JMJD1C: variants seen among roughly 807,000 people sequenced by gnomAD.
The protein encoded by JMJD1C is jumonji domain containing 1C.
A neutral mutation model predicts 245.3 loss-of-function variants in JMJD1C; 31 were observed. That is an observed-to-expected ratio of 0.13 (90% CI 0.09 to 0.17). The LOEUF is 0.17. JMJD1C is among the 10% of genes least tolerant of loss of function. The probability of loss-of-function intolerance (pLI) is 1.00; values close to 1 mark genes in which losing one functional copy is unlikely to be tolerated. For synonymous variants in JMJD1C, 1,057 were observed against 1,017.4 expected (o/e 1.04, Z -0.74); for missense variants, 2,691 against 3,000.2 (o/e 0.90, Z 2.41).
intron 2 of JMJD1C, among the ~76,000 whole-genome samples, chr10:63,307,504 G>A (rs1466660040): frequency 6.6e-6 from 1 of 152,046 alleles, no homozygotes; most frequent in Non-Finnish European, 1.5e-5. Flanking sequence ...GGGCAAAGTG[G>A]GTAGAAACAG....
At chr10:63,387,663 T>C (rs1328651394) in intron 1 of JMJD1C, among the ~76,000 whole-genome samples, 27 of 91,086 alleles carry the variant, frequency 3.0e-4, no homozygotes, top group African/African-American at 9.3e-4. Flanking sequence ...TGAGACGGAG[T>C]CTCGCTCTGT....
At chr10:63,246,535 A>C (rs1223669150) in intron 3 of JMJD1C, among the ~76,000 whole-genome samples, 1 of 152,134 alleles carries the variant, frequency 6.6e-6, no homozygotes, top group Non-Finnish European at 1.5e-5. Context: ...TTTTCCTAAG[A>C]AACAAAACCT....
intron 2 of JMJD1C, among the ~76,000 whole-genome samples, chr10:63,289,962 A>G (rs1858445919): frequency 6.6e-6 from 1 of 152,138 alleles, no homozygotes; most frequent in Non-Finnish European, 1.5e-5. Flanking sequence ...CAGAAGTTAA[A>G]AAAATTTAAA....
intron 1 of JMJD1C, among the ~76,000 whole-genome samples, chr10:63,472,746 T>C (rs910797393): frequency 2.0e-5 from 3 of 152,228 alleles, no homozygotes; most frequent in African/African-American, 7.2e-5. Flanking sequence ...GTAGGTATTC[T>C]TTGGTATTTT....
chr10:63,482,643 A>C (rs1334761713), intron 1 of JMJD1C, among the ~76,000 whole-genome samples: 1 of 151,338 alleles, frequency 6.6e-6, no homozygotes, highest in Non-Finnish European at 1.5e-5. Flanking sequence ...CTCAAAAAAA[A>C]GAAAAAAAAG....
Position 63,214,150 on chromosome 10 carries a change from A to G in JMJD1C, c.2017T>C (p.Leu673=), listed in dbSNP as rs2133218632. Residue 673 remains leucine (L), a synonymous_variant, in exon 8 of 26, where the codon TTG becomes CTG. Coordinates refer to ENST00000399262, the MANE Select transcript of JMJD1C (RefSeq NM_032776.3). ...AGCTCATGTTCTATCTTATTTGCCA[A>G]TCTTCTTTCACCAGTAGCTTGGCTG... ...VNSQATGERR[L]ANKIEHELSR... is the part of the protein sequence containing the mutation. 1 of 1,614,178 alleles carries G rather than the reference A, an allele frequency of 6.2e-7. No individual in the cohort carries two copies. Among genetic ancestry groups the G allele is most frequent in the Non-Finnish European group, 8.5e-7 (1 of 1,180,032 alleles).
chr10:63,391,598 C>G (rs1359300136), intron 1 of JMJD1C, among the ~76,000 whole-genome samples: 1 of 151,882 alleles, frequency 6.6e-6, no homozygotes, highest in Non-Finnish European at 1.5e-5. Context: ...TAAATGTACC[C>G]CAAAAGGGAA....
At chr10:63,469,725 G>A (rs1160284312), upstream of JMJD1C, among the ~76,000 whole-genome samples, 1 of 151,242 alleles carries the variant, frequency 6.6e-6, no homozygotes, top group African/African-American at 2.5e-5. Flanking sequence ...ATAACTTGAA[G>A]GCTTTTATTA....
At chr10:63,415,101 C>T (rs1472685272) in intron 1 of JMJD1C, among the ~76,000 whole-genome samples, 1 of 152,102 alleles carries the variant, frequency 6.6e-6, no homozygotes, top group Non-Finnish European at 1.5e-5. Flanking sequence ...CTGGAAGTGA[C>T]TAAATGTTAA....
intron 1 of JMJD1C, among the ~76,000 whole-genome samples, chr10:63,502,506 C>T (rs1025232875): frequency 1.3e-5 from 2 of 151,944 alleles, no homozygotes; most frequent in Non-Finnish European, 2.9e-5. Flanking sequence ...GGCATGGTGG[C>T]GGGCATCTAC....
At chr10:63,396,979 G>A (rs1948541896) in intron 1 of JMJD1C, among the ~76,000 whole-genome samples, 1 of 149,582 alleles carries the variant, frequency 6.7e-6, no homozygotes, top group South Asian at 2.1e-4. Context: ...GTCTAAGCTG[G>A]AGTTAAGTGT....
chr10:63,337,483 GAAGGAGAAAGAAGAGAAAAGAGAA>G (rs1942873307), intron 2 of JMJD1C, among the ~76,000 whole-genome samples: 1 of 67,442 alleles, frequency 1.5e-5, no homozygotes, highest in African/African-American at 8.0e-5. Context: ...GAGAGAGAGG[GAAGGAGAAAGAAGAGAAAAGAGAA>G]GGGAGGAGAA....
intron 10 of JMJD1C, chr10:63,202,839 G>C (rs1589135862): frequency 1.0e-6 from 1 of 980,850 alleles, no homozygotes; most frequent in Non-Finnish European, 1.2e-6. Context: ...TTGTTATACT[G>C]CTGATAAATT....
intron 3 of JMJD1C, among the ~76,000 whole-genome samples, chr10:63,243,493 T>C (rs1353063955): frequency 3.3e-5 from 5 of 152,128 alleles, no homozygotes; most frequent in African/African-American, 1.2e-4. Context: ...GCCATTGCAC[T>C]CCAGCATGGG....
intron 1 of JMJD1C, among the ~76,000 whole-genome samples, chr10:63,464,283 T>G (rs1376534206): frequency 6.6e-6 from 1 of 152,156 alleles, no homozygotes; most frequent in Non-Finnish European, 1.5e-5. Flanking sequence ...TATTAATACA[T>G]GCCGCATTAA....
In JMJD1C at chr10:63,411,233, G is replaced by A. The variant is rs185913043; in HGVS notation, c.169-30751C>T. On this transcript the variant is annotated intron_variant, in intron 1 of 25. Transcript: ENST00000399262. Reference sequence around the variant, plus strand: ...CGGTATAGACTGGGTAGAGGTACCAGGTTAACTACAGTGAGTGAGAAACAT... The same window carrying A: ...CGGTATAGACTGGGTAGAGGTACCAAGTTAACTACAGTGAGTGAGAAACAT... Among the ~76,000 whole-genome samples the A allele has an allele frequency of 2.5e-4, 38 of 152,064 alleles. No individual in the cohort carries two copies. The East Asian group carries it at 5.4e-3, about 22-fold the overall frequency.
chr10:63,351,830 C>G (rs551347029), intron 2 of JMJD1C, among the ~76,000 whole-genome samples: 1 of 152,156 alleles, frequency 6.6e-6, no homozygotes, highest in Non-Finnish European at 1.5e-5. Flanking sequence ...GCCGTAACCA[C>G]AAACCAGTCC....
chr10:63,324,769 G>T (rs1426576907), intron 2 of JMJD1C, among the ~76,000 whole-genome samples: 1 of 152,220 alleles, frequency 6.6e-6, no homozygotes, highest in Non-Finnish European at 1.5e-5. Flanking sequence ...TTTTCGGGAA[G>T]AAAAGAGGTT....
chr10:63,293,925 C>A (rs535694939), intron 2 of JMJD1C, among the ~76,000 whole-genome samples: 2 of 152,256 alleles, frequency 1.3e-5, no homozygotes, highest in African/African-American at 4.8e-5. Flanking sequence ...ATGCAGTAAA[C>A]TGTCACATCT....
Sources: allele counts gnomAD v4.1 joint callset (sites outside exome capture counted in the v4.1 genomes callset), GRCh38; gene constraint gnomAD v4.1.1; transcripts MANE v1.5; gene names NCBI Gene and HGNC (gene_info 2026-07-23, HGNC 2026-07-21).